NHSL3: variants seen among roughly 807,000 people sequenced by gnomAD.
The protein encoded by NHSL3 is NHS-like protein 3.
chr1:32,750,824 AT>A, the NHSL3 span, among the ~76,000 whole-genome samples: 3 of 128,592 alleles, frequency 2.3e-5, no homozygotes, highest in Non-Finnish European at 4.9e-5. Flanking sequence ...TTATTTATTT[AT>A]TTTTTTGAGA....
the NHSL3 span, among the ~76,000 whole-genome samples, chr1:32,768,356 C>T: frequency 1.3e-5 from 2 of 152,032 alleles, no homozygotes; most frequent in East Asian, 1.9e-4. Context: ...CACTTTGGGA[C>T]GCTGAGGTGG....
the NHSL3 span, chr1:32,765,628 T>C: frequency 2.0e-6 from 3 of 1,524,246 alleles, no homozygotes; most frequent in South Asian, 3.6e-5. Context: ...CCCCTCCCCC[T>C]CCTCTGTCTG....
At chr1:32,748,855 TAA>T in the NHSL3 span, among the ~76,000 whole-genome samples, 1 of 151,966 alleles carries the variant, frequency 6.6e-6, no homozygotes, top group Non-Finnish European at 1.5e-5. Flanking sequence ...ATGTAAAAAA[TAA>T]AGAGTGTGAC....
the NHSL3 span, among the ~76,000 whole-genome samples, chr1:32,743,741 C>G: frequency 1.3e-5 from 2 of 152,236 alleles, no homozygotes; most frequent in Non-Finnish European, 2.9e-5. Context: ...ACTGCTCCAA[C>G]AGCCTGGGTT....
chr1:32,755,295 G>A, the NHSL3 span, among the ~76,000 whole-genome samples: 2 of 152,230 alleles, frequency 1.3e-5, no homozygotes, highest in Non-Finnish European at 2.9e-5. Flanking sequence ...GTTGGTCTGG[G>A]GGAGTGAGGA....
At chr1:32,772,472 A>G in the NHSL3 span, 95 of 1,505,804 alleles carry the variant, frequency 6.3e-5, no homozygotes, top group Non-Finnish European at 8.1e-5. Context: ...GTGAGGTCCC[A>G]TTGCTGATGA....
chr1:32,761,731 A>G, the NHSL3 span, among the ~76,000 whole-genome samples: 1 of 151,634 alleles, frequency 6.6e-6, no homozygotes, highest in African/African-American at 2.4e-5. Context: ...ACGACCTGGC[A>G]TGGTGCCTGG....
the NHSL3 span, chr1:32,770,857 C>A: frequency 6.2e-7 from 1 of 1,608,440 alleles, no homozygotes; most frequent in Admixed American, 1.7e-5. The surrounding 1 kb of genome is among the most constrained non-coding windows in gnomAD (Gnocchi z 8.3). Flanking sequence ...CAGCTGGGTA[C>A]CTGGCTTGTC....
At chr1:32,767,420 A>G in the NHSL3 span, among the ~76,000 whole-genome samples, 1 of 151,728 alleles carries the variant, frequency 6.6e-6, no homozygotes, top group Non-Finnish European at 1.5e-5. Context: ...GTGTGTACCT[A>G]TGTGTGTTTA....
the NHSL3 span, chr1:32,772,225 A>G: frequency 1.2e-6 from 2 of 1,608,460 alleles, no homozygotes; most frequent in Non-Finnish European, 1.7e-6. Flanking sequence ...CCAGGCCCCA[A>G]AGAAGTCACC....
chr1:32,757,394 C>A, the NHSL3 span, among the ~76,000 whole-genome samples: 1 of 150,608 alleles, frequency 6.6e-6, no homozygotes, highest in African/African-American at 2.4e-5. Context: ...GGCTCAGAGA[C>A]TGTTGCAGTA....
the NHSL3 span, among the ~76,000 whole-genome samples, chr1:32,747,997 C>G: frequency 1.3e-5 from 2 of 152,272 alleles, no homozygotes; most frequent in Admixed American, 6.5e-5. Context: ...TAATCCCAGG[C>G]TACTCGGGAG....
chr1:32,768,653 C>T, the NHSL3 span: 135 of 1,614,004 alleles, frequency 8.4e-5, 1 homozygote, highest in Non-Finnish European at 1.1e-4. Context: ...CCCTGATAGT[C>T]CTCCCGGACG....
At chr1:32,742,175 AG>A in the NHSL3 span, 1 of 1,247,798 alleles carries the variant, frequency 8.0e-7, no homozygotes, top group Non-Finnish European at 1.0e-6. Flanking sequence ...AAGAGGGCCA[AG>A]GGCAAAGGCC....
chr1:32,753,974 G>T, the NHSL3 span: 432 of 360,270 alleles, frequency 1.2e-3, 5 homozygotes, highest in Middle Eastern at 2.4e-3. Context: ...AGCTGGGGCT[G>T]GGGGCGCCCG....
At chr1:32,748,324 G>C in the NHSL3 span, among the ~76,000 whole-genome samples, 1 of 152,110 alleles carries the variant, frequency 6.6e-6, no homozygotes, top group Non-Finnish European at 1.5e-5. Context: ...GGTAAGGAGA[G>C]TCCATTATGA....
chr1:32,759,368 C>T, the NHSL3 span, among the ~76,000 whole-genome samples: 3 of 152,190 alleles, frequency 2.0e-5, no homozygotes, highest in African/African-American at 7.2e-5. Context: ...GATAATCATG[C>T]CTTGAAGGAA....
the NHSL3 span, chr1:32,768,803 A>C: frequency 1.2e-6 from 2 of 1,608,968 alleles, no homozygotes; most frequent in Non-Finnish European, 1.7e-6. Context: ...GGAGAGGGAC[A>C]GTGGGCTCCA....
chr1:32,769,643 AAC>A, the NHSL3 span: 1 of 1,550,354 alleles, frequency 6.5e-7, no homozygotes, highest in Non-Finnish European at 8.8e-7. Context: ...CCTTTGCTCT[AAC>A]AGTTTTTCTC....
Sources: gnomAD v4.1 joint callset for allele counts (sites outside exome capture counted in the v4.1 genomes callset) on GRCh38, gnomAD v4.1.1 for gene constraint, Gnocchi (gnomAD v3.1) non-coding constraint, MANE v1.5 for transcripts, NCBI Gene and HGNC (gene_info 2026-07-23, HGNC 2026-07-21) for gene names.